The following PPP2R2C variants were observed in gnomAD, a reference collection of about 807,000 sequenced individuals.
PPP2R2C encodes the protein protein phosphatase 2 regulatory subunit Bgamma.
In PPP2R2C, 10 loss-of-function variants were observed where a neutral mutation model predicts 45.3. That is an observed-to-expected ratio of 0.22 (90% confidence interval 0.14 to 0.37). The LOEUF (loss-of-function observed/expected upper bound fraction) is 0.37, where lower values mean the gene tolerates loss of function less well. Ranked by LOEUF, PPP2R2C falls within the 10% of genes least tolerant of loss-of-function variation. PPP2R2C has a pLI of 1.00. For missense variants in PPP2R2C, 308 were observed against 619.7 expected (o/e 0.50, Z 5.34); for synonymous variants, 257 against 245.4 (o/e 1.05, Z -0.44).
At chr4:6,358,665 A>G (rs7435090) in intron 5 of PPP2R2C, among the ~76,000 whole-genome samples, 139,000 of 152,150 alleles carry the variant, frequency 0.91, 64,308 homozygotes, top group East Asian at 1. Flanking sequence ...ATCAAACAAC[A>G]CCATCAAAAA....
intron 1 of PPP2R2C, among the ~76,000 whole-genome samples, chr4:6,464,657 T>A (rs1360299352): frequency 6.6e-6 from 1 of 152,224 alleles, no homozygotes; most frequent in Non-Finnish European, 1.5e-5. Flanking sequence ...CTAATGTTGA[T>A]CAGCATGTGG....
intron 1 of PPP2R2C, among the ~76,000 whole-genome samples, chr4:6,413,703 C>G (rs953498019): frequency 2.0e-5 from 3 of 152,214 alleles, no homozygotes; most frequent in Non-Finnish European, 4.4e-5. Context: ...CCCCTGAGGG[C>G]CAGGGATGAC....
rs192417485 is a variant in PPP2R2C at position 6,358,971 on chromosome 4, T to C, written c.626-10961A>G. Among the ~76,000 whole-genome samples, 719 of 152,286 alleles carry C rather than the reference T, an allele frequency of 4.7e-3. 7 individuals carry two copies. The highest frequency in any genetic ancestry group is 0.017 in the African/African-American group (686 of 41,554). On this transcript the variant is annotated intron_variant, in intron 5 of 8. Transcript: ENST00000382599. ...AAGGATCTAGAACTAGAAATACCAT[T>C]TGACCCAGCAATCCCATTACTGGGT...
chr4:6,349,314 G>C (rs954871095), intron 5 of PPP2R2C: 9 of 984,074 alleles, frequency 9.1e-6, no homozygotes, highest in Non-Finnish European at 1.1e-5. Context: ...CCTCCTGGCT[G>C]TGTGACCCTG....
At chr4:6,416,206 G>A (rs371116740) in intron 1 of PPP2R2C, among the ~76,000 whole-genome samples, 12 of 83,894 alleles carry the variant, frequency 1.4e-4, no homozygotes, top group African/African-American at 3.5e-4. Flanking sequence ...TATGACAATC[G>A]GCTACCCGTG....
At chr4:6,460,366 A>C (rs1721261667) in intron 1 of PPP2R2C, among the ~76,000 whole-genome samples, 1 of 152,196 alleles carries the variant, frequency 6.6e-6, no homozygotes, top group African/African-American at 2.4e-5. Flanking sequence ...CTATAAGCCA[A>C]GGAGAGGGGC....
At chr4:6,340,275 G>A (rs1012457905) in intron 6 of PPP2R2C, among the ~76,000 whole-genome samples, 2 of 152,060 alleles carry the variant, frequency 1.3e-5, no homozygotes, top group Non-Finnish European at 2.9e-5. Flanking sequence ...GGGTCCTGAC[G>A]TCAGCCAGGT....
intron 1 of PPP2R2C, among the ~76,000 whole-genome samples, chr4:6,424,646 C>T (rs1268448434): frequency 6.6e-6 from 1 of 152,192 alleles, no homozygotes; most frequent in Non-Finnish European, 1.5e-5. Context: ...TGTGGTGTGC[C>T]TGCTGAACAG....
intron 2 of PPP2R2C, among the ~76,000 whole-genome samples, chr4:6,514,831 G>A: frequency 6.6e-6 from 1 of 152,194 alleles, no homozygotes; most frequent in South Asian, 2.1e-4. Flanking sequence ...TTCTCTGAAG[G>A]CTCCAGAAGA....
chr4:6,514,840 G>C (rs911028530), intron 2 of PPP2R2C, among the ~76,000 whole-genome samples: 1 of 152,232 alleles, frequency 6.6e-6, no homozygotes, highest in African/African-American at 2.4e-5. Context: ...GGCTCCAGAA[G>C]AGGGTCTGCT....
chr4:6,365,438 G>A (rs902197644), intron 5 of PPP2R2C, among the ~76,000 whole-genome samples: 29 of 151,974 alleles, frequency 1.9e-4, no homozygotes, highest in African/African-American at 6.5e-4. Flanking sequence ...TTGTCTACAC[G>A]GCACCAGGCC....
intron 1 of PPP2R2C, among the ~76,000 whole-genome samples, chr4:6,392,819 T>C (rs1016635827): frequency 6.6e-6 from 1 of 152,176 alleles, no homozygotes. Context: ...GGGGTGGGCG[T>C]GGACCCTTCT....
intron 1 of PPP2R2C, among the ~76,000 whole-genome samples, chr4:6,462,991 T>C (rs1721406922): frequency 6.6e-6 from 1 of 152,198 alleles, no homozygotes; most frequent in African/African-American, 2.4e-5. Flanking sequence ...CATCTCTCCC[T>C]TCTCTGGGAC....
At chr4:6,534,501 C>G (rs1724528980) in intron 2 of PPP2R2C, among the ~76,000 whole-genome samples, 1 of 151,960 alleles carries the variant, frequency 6.6e-6, no homozygotes, top group African/African-American at 2.4e-5. Flanking sequence ...CACACCAACA[C>G]ATACAGCACA....
chr4:6,341,247 G>C (rs1029439783), intron 6 of PPP2R2C, among the ~76,000 whole-genome samples: 2 of 151,346 alleles, frequency 1.3e-5, no homozygotes, highest in African/African-American at 2.4e-5. Flanking sequence ...GCTGAGGCAG[G>C]AGAATTGCTT....
intron 6 of PPP2R2C, among the ~76,000 whole-genome samples, chr4:6,338,462 G>T (rs1490682291): frequency 6.6e-6 from 1 of 152,168 alleles, no homozygotes; most frequent in East Asian, 1.9e-4. Context: ...GTGTGGGGCG[G>T]CTCTGACGGA....
chr4:6,411,868 T>G (rs1718226228), intron 1 of PPP2R2C, among the ~76,000 whole-genome samples: 1 of 152,240 alleles, frequency 6.6e-6, no homozygotes, highest in Non-Finnish European at 1.5e-5. Flanking sequence ...CTGACTTTTC[T>G]AACAGCCCAC....
chr4:6,353,279 C>A (rs1362087496), intron 5 of PPP2R2C, among the ~76,000 whole-genome samples: 1 of 119,586 alleles, frequency 8.4e-6, no homozygotes, highest in African/African-American at 3.1e-5. Flanking sequence ...CACCGACAGT[C>A]CCCCCACACC....
chr4:6,413,889 C>G, intron 1 of PPP2R2C: 1 of 1,536,114 alleles, frequency 6.5e-7, no homozygotes, highest in Non-Finnish European at 8.7e-7. Flanking sequence ...TGATGCCCCA[C>G]AGCCCCTGCT....
Sources: allele counts gnomAD v4.1 joint callset (sites outside exome capture counted in the v4.1 genomes callset), GRCh38; gene constraint gnomAD v4.1.1; transcripts MANE v1.5; gene names NCBI Gene and HGNC (gene_info 2026-07-23, HGNC 2026-07-21).